The following LCP1 variants were observed in gnomAD, a reference collection of about 807,000 sequenced individuals.
LCP1 encodes the protein lymphocyte cytosolic protein 1.
Under a neutral mutation model 72.0 loss-of-function variants are expected in LCP1, and 23 were observed. The ratio of observed to expected loss-of-function variants is 0.32; its 90% CI spans 0.23 to 0.45. LCP1 has a LOEUF of 0.45. LCP1 is among the 20% of genes least tolerant of loss of function. The pLI, the probability that LCP1 is intolerant of heterozygous loss-of-function variation, is 1.00. For missense variants in LCP1, 571 were observed against 748.3 expected, an observed-to-expected ratio of 0.76 and a Z score of 2.76; for synonymous variants, 245 against 275.4, an observed-to-expected ratio of 0.89 and a Z score of 1.09.
intron 1 of LCP1, among the ~76,000 whole-genome samples, chr13:46,172,407 C>T (rs113688718): frequency 0.05 from 7,518 of 151,834 alleles, 241 homozygotes; most frequent in South Asian, 0.078. Context: ...TCACTTGAAC[C>T]CGGGAGGCAG....
At chr13:46,157,369 T>C (rs1329924093) in intron 4 of LCP1, among the ~76,000 whole-genome samples, 1 of 152,192 alleles carries the variant, frequency 6.6e-6, no homozygotes, top group Non-Finnish European at 1.5e-5. Flanking sequence ...GGACAATCCT[T>C]ATTGTACCTC....
At chr13:46,130,553 C>G (rs2045627310) in intron 15 of LCP1, among the ~76,000 whole-genome samples, 1 of 150,736 alleles carries the variant, frequency 6.6e-6, no homozygotes, top group African/African-American at 2.4e-5. Flanking sequence ...TATAGGCTTG[C>G]TTATCAATTA....
chr13:46,130,317 A>G (rs2045626151), intron 15 of LCP1, among the ~76,000 whole-genome samples: 1 of 152,266 alleles, frequency 6.6e-6, no homozygotes, highest in Non-Finnish European at 1.5e-5. Flanking sequence ...CTGTTTCAAT[A>G]AAACTTTGTT....
Position 46,158,861 on chromosome 13 carries a change from G to T in LCP1, c.193C>A (p.Gln65Lys). The change falls in exon 3 of 16, where the codon CAA becomes AAA. Residue 65 changes from glutamine to lysine, a missense_variant. By Grantham distance (53) the Gln-to-Lys change is moderately conservative. Coordinates refer to ENST00000323076, the MANE Select transcript of LCP1 (RefSeq NM_002298.5). ...TCATCAAAGCTGATCCTTCCATCTTGGTCCAGATCACCTGTAGCCATCAGG... is the reference window on the plus strand; with the variant it reads ...TCATCAAAGCTGATCCTTCCATCTTTGTCCAGATCACCTGTAGCCATCAGG... ...ENLMATGDLD[Q>K]DGRISFDEFI... 2.5e-6 allele frequency: 4 copies of T among 1,614,114 alleles called. No homozygotes were observed. Among genetic ancestry groups the T allele is most frequent in the Non-Finnish European group, 3.4e-6 (4 of 1,180,016 alleles).
At chr13:46,157,589 A>G (rs1256479965) in intron 4 of LCP1, among the ~76,000 whole-genome samples, 1 of 152,180 alleles carries the variant, frequency 6.6e-6, no homozygotes, top group East Asian at 1.9e-4. Context: ...GAGTCATAAA[A>G]GTTTGGGAAA....
chr13:46,133,841 T>C (rs960411874), intron 14 of LCP1, among the ~76,000 whole-genome samples: 1 of 152,082 alleles, frequency 6.6e-6, no homozygotes, highest in African/African-American at 2.4e-5. Context: ...CATCACTCAA[T>C]ATACCCATGT....
chr13:46,131,561 T>C (rs1453878477), intron 14 of LCP1, among the ~76,000 whole-genome samples: 2 of 152,176 alleles, frequency 1.3e-5, no homozygotes, highest in African/African-American at 2.4e-5. Context: ...ATGCTTGTGT[T>C]CATCGCAGCA....
intron 14 of LCP1, among the ~76,000 whole-genome samples, chr13:46,132,026 G>A (rs942260147): frequency 6.7e-6 from 1 of 149,750 alleles, no homozygotes; most frequent in Non-Finnish European, 1.5e-5. Context: ...TTAAAGAGTG[G>A]GTTGTGTTCA....
chr13:46,142,298 A>G lies in LCP1; in HGVS notation c.1496T>C (p.Met499Thr). 1 of 1,613,534 alleles carries G rather than the reference A, an allele frequency of 6.2e-7. No individual in the cohort carries two copies. Among genetic ancestry groups the G allele is most frequent in the Non-Finnish European group, 8.5e-7 (1 of 1,179,522 alleles). The change falls in exon 13 of 16, where the codon ATG becomes ACG. Residue 499 changes from methionine (M) to threonine (T), a missense_variant. Transcript: ENST00000323076. ...TLTLALIWQL[M>T]RRYTLNILEE... Reference sequence around the variant, plus strand: ...CTTCCATAAGCTATACTACCTTCTCATTAGCTGCCAAATCAAGGCCAGTGT... The same window carrying G: ...CTTCCATAAGCTATACTACCTTCTCGTTAGCTGCCAAATCAAGGCCAGTGT...
chr13:46,176,079 G>A (rs186996268), intron 1 of LCP1, among the ~76,000 whole-genome samples: 163 of 152,290 alleles, frequency 1.1e-3, no homozygotes, highest in Non-Finnish European at 2.0e-3. Flanking sequence ...GTGGAGGATA[G>A]GAGAGATTTG....
chr13:46,175,208 A>C (rs1593966662), intron 1 of LCP1, among the ~76,000 whole-genome samples: 1 of 152,230 alleles, frequency 6.6e-6, no homozygotes, highest in Admixed American at 6.5e-5. Flanking sequence ...GATGCCTAGT[A>C]AATATTAGGG....
chr13:46,157,111 C>A (rs932216794), intron 4 of LCP1, among the ~76,000 whole-genome samples: 2 of 151,654 alleles, frequency 1.3e-5, no homozygotes, highest in Admixed American at 1.3e-4. Context: ...TGAGCCACCG[C>A]GCCCGGCCAA....
chr13:46,175,324 C>G (rs576224818), intron 1 of LCP1, among the ~76,000 whole-genome samples: 4 of 152,102 alleles, frequency 2.6e-5, no homozygotes, highest in East Asian at 1.9e-4. Context: ...TCACACCTAG[C>G]GAGTAGATAG....
intron 1 of LCP1, among the ~76,000 whole-genome samples, chr13:46,178,536 C>A (rs3783205): frequency 0.46 from 70,385 of 151,956 alleles, 17,296 homozygotes; most frequent in East Asian, 0.61. Flanking sequence ...AAATGAAGAC[C>A]CTGTAGAACA....
chr13:46,176,906 A>T (rs1190268837), intron 1 of LCP1, among the ~76,000 whole-genome samples: 2 of 149,758 alleles, frequency 1.3e-5, no homozygotes, highest in African/African-American at 5.1e-5. Flanking sequence ...TGTGTGTGAG[A>T]GAGCGAGAGA....
At chr13:46,148,305 T>A (rs1427909061) in intron 9 of LCP1, 47 bp downstream of exon 9, 1 of 1,373,930 alleles carries the variant, frequency 7.3e-7, no homozygotes, top group Admixed American at 1.7e-5. Flanking sequence ...ACTGCCAACA[T>A]GAAAATAGCA....
chr13:46,179,109 A>T (rs930544900), intron 1 of LCP1, among the ~76,000 whole-genome samples: 1 of 152,168 alleles, frequency 6.6e-6, no homozygotes, highest in Non-Finnish European at 1.5e-5. Context: ...TTTTGGCCCA[A>T]CCAATGTATT....
At chr13:46,148,760 A>T in intron 8 of LCP1, 3 of 815,130 alleles carry the variant, frequency 3.7e-6, no homozygotes, top group Non-Finnish European at 4.6e-6. Context: ...ATTAAATTGT[A>T]TACAGGAAAA....
chr13:46,141,817 A>T (rs1416289879), intron 13 of LCP1, among the ~76,000 whole-genome samples: 1 of 152,146 alleles, frequency 6.6e-6, no homozygotes, highest in Non-Finnish European at 1.5e-5. Context: ...GTAGATAAAT[A>T]TAGCATAATT....
Sources: gnomAD v4.1 joint callset for allele counts (sites outside exome capture counted in the v4.1 genomes callset) on GRCh38, gnomAD v4.1.1 for gene constraint, MANE v1.5 for transcripts, NCBI Gene and HGNC (gene_info 2026-07-23, HGNC 2026-07-21) for gene names.